GRIA1: variants seen among roughly 807,000 people sequenced by gnomAD.
GRIA1 encodes glutamate receptor 1.
A neutral mutation model predicts 99.2 loss-of-function variants in GRIA1; 31 were observed. The observed-to-expected ratio is 0.31, with a 90% CI of 0.23 to 0.42. The LOEUF (loss-of-function observed/expected upper bound fraction) is 0.42, where lower values mean the gene tolerates loss of function less well. Among genes scored for constraint, GRIA1 ranks in the 10% least tolerant of loss-of-function variants. The probability of loss-of-function intolerance (pLI) is 1.00; values close to 1 mark genes in which losing one functional copy is unlikely to be tolerated. For missense variants in GRIA1, 782 were observed against 1,157.5 expected (o/e 0.68, Z 4.71); for synonymous variants, 438 against 432.4 (o/e 1.01, Z -0.16).
chr5:153,624,410 A>T (rs193003644), intron 2 of GRIA1, among the ~76,000 whole-genome samples: 1 of 152,144 alleles, frequency 6.6e-6, no homozygotes, highest in South Asian at 2.1e-4. Context: ...CCTGCTTGTC[A>T]TGCTTCTCTA....
chr5:153,544,654 A>C (rs1001656152), intron 2 of GRIA1, among the ~76,000 whole-genome samples: 5 of 152,228 alleles, frequency 3.3e-5, no homozygotes, highest in Admixed American at 6.5e-5. Context: ...ATAGGTAAAT[A>C]GTCATGGGAA....
intron 15 of GRIA1, among the ~76,000 whole-genome samples, chr5:153,803,025 G>A (rs556895998): frequency 1.3e-5 from 2 of 152,294 alleles, no homozygotes; most frequent in South Asian, 4.1e-4. Context: ...ACGGGAACTG[G>A]AGAAGAGAAC....
intron 11 of GRIA1, among the ~76,000 whole-genome samples, chr5:153,714,871 A>G (rs1345707612): frequency 1.3e-5 from 2 of 152,218 alleles, no homozygotes; most frequent in African/African-American, 4.8e-5. Context: ...CCAGCAGAAA[A>G]TAAATGGTGT....
chr5:153,511,500 T>C (rs1236311624), intron 2 of GRIA1, among the ~76,000 whole-genome samples: 1 of 152,222 alleles, frequency 6.6e-6, no homozygotes, highest in African/African-American at 2.4e-5. Flanking sequence ...CCTGGAATTT[T>C]TTTTGAAACA....
At chr5:153,579,527 C>CCG (rs1340256943) in intron 2 of GRIA1, among the ~76,000 whole-genome samples, 4 of 152,084 alleles carry the variant, frequency 2.6e-5, no homozygotes, top group African/African-American at 9.7e-5. Flanking sequence ...ATAGGCCCCC[C>CCG]GTTACTTATA....
intron 2 of GRIA1, among the ~76,000 whole-genome samples, chr5:153,633,054 G>A (rs1753092147): frequency 6.6e-6 from 1 of 152,172 alleles, no homozygotes; most frequent in African/African-American, 2.4e-5. Context: ...CATCTATGTG[G>A]GTGGGGCCTC....
chr5:153,808,669 A>T (rs183207686), intron 15 of GRIA1, among the ~76,000 whole-genome samples: 2 of 152,314 alleles, frequency 1.3e-5, no homozygotes, highest in Admixed American at 1.3e-4. Flanking sequence ...GATGGTTCCA[A>T]TGTGCAACCA....
rs559145037 is a variant in GRIA1 at position 153,494,870 on chromosome 5, G to A, written c.220+805G>A. ...GATTAAGCTCAAGTAAAAATTTATG[G>A]CAGGGAAATGTGAGCTGAATTCACA... On this transcript the variant is annotated intron_variant, in intron 2 of 15. Transcript: ENST00000285900. Among the ~76,000 whole-genome samples the A allele has an allele frequency of 1.7e-3, 259 of 152,266 alleles. 1 individual carries two copies. Among genetic ancestry groups the A allele is most frequent in the African/African-American group, 6.0e-3 (251 of 41,538 alleles).
chr5:153,546,804 C>T (rs918934424), intron 2 of GRIA1, among the ~76,000 whole-genome samples: 3 of 152,150 alleles, frequency 2.0e-5, no homozygotes, highest in Admixed American at 1.3e-4. Context: ...GCACTTGGAC[C>T]AGTGCCTTAT....
chr5:153,518,099 G>A (rs1756798317), intron 2 of GRIA1, among the ~76,000 whole-genome samples: 1 of 152,122 alleles, frequency 6.6e-6, no homozygotes, highest in African/African-American at 2.4e-5. Flanking sequence ...CACTATTCAG[G>A]TCCCAATTCC....
intron 2 of GRIA1, among the ~76,000 whole-genome samples, chr5:153,554,035 A>G (rs1275535041): frequency 6.6e-6 from 1 of 152,166 alleles, no homozygotes; most frequent in African/African-American, 2.4e-5. Flanking sequence ...ATTATGAAAT[A>G]GAAGAGCTGA....
At chr5:153,792,531 T>C (rs1303482352) in intron 13 of GRIA1, among the ~76,000 whole-genome samples, 3 of 152,200 alleles carry the variant, frequency 2.0e-5, no homozygotes, top group Admixed American at 2.0e-4. Flanking sequence ...TCTTTCTACA[T>C]ACATTCCCTT....
At chr5:153,542,292 C>T (rs1759199002) in intron 2 of GRIA1, among the ~76,000 whole-genome samples, 1 of 152,128 alleles carries the variant, frequency 6.6e-6, no homozygotes, top group African/African-American at 2.4e-5. Context: ...TATGCCTCCC[C>T]TACATTCTCC....
chr5:153,703,456 C>T (rs1359377737), intron 10 of GRIA1, among the ~76,000 whole-genome samples: 5 of 152,132 alleles, frequency 3.3e-5, no homozygotes, highest in African/African-American at 7.2e-5. Flanking sequence ...TAGGACAATA[C>T]GGAACAGGCT....
chr5:153,501,423 A>G (rs138352689), intron 2 of GRIA1, among the ~76,000 whole-genome samples: 5 of 152,256 alleles, frequency 3.3e-5, no homozygotes, highest in African/African-American at 1.2e-4. Flanking sequence ...TGAGGACTGA[A>G]GGCTTTGGTG....
At chr5:153,759,466 A>G (rs953383700) in intron 11 of GRIA1, among the ~76,000 whole-genome samples, 2 of 151,964 alleles carry the variant, frequency 1.3e-5, no homozygotes, top group African/African-American at 4.8e-5. Context: ...GGAAAAAAAT[A>G]AGTTCTTAGA....
At chr5:153,790,685 T>C (rs946006638) in intron 13 of GRIA1, among the ~76,000 whole-genome samples, 2 of 152,214 alleles carry the variant, frequency 1.3e-5, no homozygotes, top group Non-Finnish European at 2.9e-5. Context: ...TTTGAACATC[T>C]TTACTTCTAT....
intron 6 of GRIA1, 127 bp from the exon 7 acceptor site, chr5:153,676,867 T>A: frequency 5.0e-6 from 3 of 597,126 alleles, no homozygotes; most frequent in Non-Finnish European, 7.8e-6. Flanking sequence ...CTGCCCCACG[T>A]ATACCATGCA....
chr5:153,699,740 G>A (rs774368185), intron 10 of GRIA1, among the ~76,000 whole-genome samples: 79 of 152,124 alleles, frequency 5.2e-4, no homozygotes, highest in South Asian at 1.2e-3. Flanking sequence ...TGTAACAGGG[G>A]TAGGACTATT....
Sources: gnomAD v4.1 joint callset for allele counts (sites outside exome capture counted in the v4.1 genomes callset) on GRCh38, gnomAD v4.1.1 for gene constraint, MANE v1.5 for transcripts, NCBI Gene and HGNC (gene_info 2026-07-23, HGNC 2026-07-21) for gene names.